The following CCSER1 variants were observed in gnomAD, a reference collection of about 807,000 sequenced individuals.
CCSER1 encodes the protein serine-rich coiled-coil domain-containing protein 1.
In CCSER1, 41 loss-of-function variants were observed where a neutral mutation model predicts 82.0. The ratio of observed to expected loss-of-function variants is 0.50; its 90% CI spans 0.39 to 0.65. The LOEUF is 0.65. CCSER1 is among the 30% of genes least tolerant of loss of function. The probability of loss-of-function intolerance (pLI) is 0.00; values close to 1 mark genes in which losing one functional copy is unlikely to be tolerated. For missense variants in CCSER1, 1,119 were observed against 1,064.2 expected, an observed-to-expected ratio of 1.05 and a Z score of -0.72; for synonymous variants, 414 against 383.9, an observed-to-expected ratio of 1.08 and a Z score of -0.92.
chr4:90,241,878 T>C (rs1746920122), intron 1 of CCSER1, among the ~76,000 whole-genome samples: 1 of 152,252 alleles, frequency 6.6e-6, no homozygotes, highest in South Asian at 2.1e-4. Flanking sequence ...AGTAATGGAA[T>C]GATTATAGGA....
intron 4 of CCSER1, among the ~76,000 whole-genome samples, chr4:90,408,125 A>G (rs1754037972): frequency 6.6e-6 from 1 of 152,248 alleles, no homozygotes; most frequent in Non-Finnish European, 1.5e-5. Context: ...GTAGCTAAAC[A>G]GAGCGGCTGG....
intron 5 of CCSER1, among the ~76,000 whole-genome samples, chr4:90,573,464 T>A (rs1780350222): frequency 6.6e-6 from 1 of 152,236 alleles, no homozygotes; most frequent in South Asian, 2.1e-4. Flanking sequence ...TTCCACAAAG[T>A]GGATATTATC....
chr4:91,230,995 ACT>A (rs1330772654), intron 10 of CCSER1, among the ~76,000 whole-genome samples: 3 of 151,838 alleles, frequency 2.0e-5, no homozygotes, highest in African/African-American at 7.2e-5. Flanking sequence ...AAAATAAAAC[ACT>A]CACATATTCC....
At chr4:90,188,749 G>A (rs1735088955) in intron 1 of CCSER1, among the ~76,000 whole-genome samples, 1 of 151,816 alleles carries the variant, frequency 6.6e-6, no homozygotes, top group African/African-American at 2.4e-5. Context: ...ATTAGAGAAA[G>A]GACTCCTCCC....
At chr4:90,256,278 A>T (rs1723270498) in intron 1 of CCSER1, among the ~76,000 whole-genome samples, 1 of 152,166 alleles carries the variant, frequency 6.6e-6, no homozygotes, top group Admixed American at 6.6e-5. Context: ...TATGTAATAT[A>T]AACATGATTA....
At chr4:90,662,028 T>C (rs1730906825) in intron 6 of CCSER1, among the ~76,000 whole-genome samples, 1 of 149,610 alleles carries the variant, frequency 6.7e-6, no homozygotes, top group Non-Finnish European at 1.5e-5. Context: ...AGACTTAGTC[T>C]CACTCTTTCA....
intron 9 of CCSER1, among the ~76,000 whole-genome samples, chr4:91,064,639 G>GTAAAC (rs1188182592): frequency 6.6e-6 from 1 of 152,220 alleles, no homozygotes; most frequent in South Asian, 2.1e-4. Context: ...CAGAAGGAAA[G>GTAAAC]CAGCTGTTTA....
chr4:91,459,923 T>C (rs1756406087), intron 10 of CCSER1, among the ~76,000 whole-genome samples: 1 of 152,138 alleles, frequency 6.6e-6, no homozygotes, highest in African/African-American at 2.4e-5. Context: ...TGCTTGTTAT[T>C]TGAGATAGCC....
intron 9 of CCSER1, among the ~76,000 whole-genome samples, chr4:91,056,532 A>C (rs1743463996): frequency 6.6e-6 from 1 of 152,134 alleles, no homozygotes; most frequent in African/African-American, 2.4e-5. Flanking sequence ...CAATCTATTC[A>C]TGCTCTGTCT....
intron 9 of CCSER1, among the ~76,000 whole-genome samples, chr4:90,937,480 A>AACACACACACACACACCCAC (rs1731084581): frequency 6.8e-6 from 1 of 146,034 alleles, no homozygotes; most frequent in African/African-American, 2.7e-5. Context: ...TCTAATTTGA[A>AACACACACACACACACCCAC]ACACACACAC....
chr4:90,838,295 T>C (rs1489825180), intron 8 of CCSER1, among the ~76,000 whole-genome samples: 1 of 151,610 alleles, frequency 6.6e-6, no homozygotes, highest in Non-Finnish European at 1.5e-5. Context: ...AGCTTTCTTA[T>C]TGTATTTATT....
At chr4:91,409,344 G>C (rs183959740) in intron 10 of CCSER1, among the ~76,000 whole-genome samples, 84 of 151,952 alleles carry the variant, frequency 5.5e-4, no homozygotes, top group Non-Finnish European at 1.1e-3. Context: ...ACATATTTTT[G>C]CTGTTCTATT....
chr4:90,558,127 C>T (rs1212338097), intron 5 of CCSER1, among the ~76,000 whole-genome samples: 2 of 151,998 alleles, frequency 1.3e-5, no homozygotes, highest in African/African-American at 4.8e-5. Context: ...TAATGAAAAG[C>T]GTCTGAGACT....
At chr4:90,605,039 G>T (rs1365224531) in intron 5 of CCSER1, among the ~76,000 whole-genome samples, 1 of 152,170 alleles carries the variant, frequency 6.6e-6, no homozygotes, top group Non-Finnish European at 1.5e-5. Context: ...TTGGCTGTTG[G>T]CAGTAAATGT....
intron 10 of CCSER1, among the ~76,000 whole-genome samples, chr4:91,554,737 AAAG>A (rs1236165270): frequency 6.6e-6 from 1 of 151,328 alleles, no homozygotes; most frequent in African/African-American, 2.4e-5. Context: ...CAGAATAGCC[AAAG>A]AAGAGCAAAG....
At chr4:90,200,920 C>T (rs1487144514) in intron 1 of CCSER1, among the ~76,000 whole-genome samples, 1 of 152,080 alleles carries the variant, frequency 6.6e-6, no homozygotes, top group African/African-American at 2.4e-5. Flanking sequence ...GTCTTCAAGA[C>T]TTTCAGTATG....
chr4:90,533,654 A>G (rs1374581443), intron 5 of CCSER1, among the ~76,000 whole-genome samples: 4 of 152,216 alleles, frequency 2.6e-5, no homozygotes, highest in African/African-American at 7.2e-5. Flanking sequence ...TTTTTAGAGG[A>G]ATATTTGGGA....
At chr4:91,324,359 C>A (rs1746402389) in intron 10 of CCSER1, among the ~76,000 whole-genome samples, 1 of 152,042 alleles carries the variant, frequency 6.6e-6, no homozygotes, top group Admixed American at 6.6e-5. Flanking sequence ...GCTAACTGTG[C>A]TCAGCAAAGT....
At chr4:90,506,341 C>A (rs191847549) in intron 5 of CCSER1, among the ~76,000 whole-genome samples, 110 of 152,088 alleles carry the variant, frequency 7.2e-4, no homozygotes, top group Middle Eastern at 3.4e-3. Context: ...AGTAAAGAAC[C>A]AGAAGTAAAA....
Sources: gnomAD v4.1 joint callset for allele counts (sites outside exome capture counted in the v4.1 genomes callset) on GRCh38, gnomAD v4.1.1 for gene constraint, MANE v1.5 for transcripts, NCBI Gene and HGNC (gene_info 2026-07-23, HGNC 2026-07-21) for gene names.